ROBO1: variants seen among roughly 807,000 people sequenced by gnomAD.
The protein encoded by ROBO1 is roundabout guidance receptor 1.
In ROBO1, 149 loss-of-function variants were observed where a neutral mutation model predicts 195.9. That is an observed-to-expected ratio of 0.76 (90% CI 0.67 to 0.87). The LOEUF (loss-of-function observed/expected upper bound fraction) is 0.87, where lower values mean the gene tolerates loss of function less well. ROBO1 is among the 40% of genes least tolerant of loss of function. ROBO1 has a pLI of 0.00. For synonymous variants in ROBO1, 816 were observed against 733.2 expected, an observed-to-expected ratio of 1.11 and a Z score of -1.82; for missense variants, 1,933 against 2,068.3, an observed-to-expected ratio of 0.93 and a Z score of 1.27.
intron 3 of ROBO1, among the ~76,000 whole-genome samples, chr3:79,108,822 G>A (rs138041623): frequency 6.6e-6 from 1 of 151,806 alleles, no homozygotes; most frequent in East Asian, 1.9e-4. Context: ...CTTTGTGAAA[G>A]GATTTTGTGC....
chr3:79,655,923 A>G (rs1946144955), intron 1 of ROBO1, among the ~76,000 whole-genome samples: 1 of 152,106 alleles, frequency 6.6e-6, no homozygotes, highest in Non-Finnish European at 1.5e-5. Context: ...GAGTTTTTTT[A>G]TGGAAGAGGG....
chr3:79,422,162 A>G (rs931728078), intron 2 of ROBO1, among the ~76,000 whole-genome samples: 1 of 148,360 alleles, frequency 6.7e-6, no homozygotes, highest in African/African-American at 2.4e-5. Context: ...TATATACAAT[A>G]CATATCTTAT....
chr3:79,597,351 G>A (rs567035934), intron 1 of ROBO1, among the ~76,000 whole-genome samples: 28 of 152,054 alleles, frequency 1.8e-4, no homozygotes, highest in Non-Finnish European at 3.4e-4. Context: ...AAATAGACAA[G>A]GTGAACTGGA....
intron 4 of ROBO1, among the ~76,000 whole-genome samples, chr3:78,911,429 T>C (rs917372308): frequency 6.6e-6 from 1 of 152,076 alleles, no homozygotes; most frequent in African/African-American, 2.4e-5. Flanking sequence ...CAAACATGGA[T>C]TTCATGTACG....
chr3:79,125,334 A>G lies in ROBO1; in HGVS notation c.172+122T>C. The G allele has an allele frequency of 5.2e-6, 4 of 770,808 alleles. 1 individual carries two copies. In the Admixed American group the frequency reaches 8.6e-5, roughly 17 times the overall value. The allele number at this position is 770,808 out of a possible 1,614,324, so 47.7% of individuals were successfully genotyped here. ...TGAACAGAATGAAGTTTGAAAAATG[A>G]GAAATTGTGGTTGTTAGCTGGAAGC... On this transcript the variant is annotated intron_variant, in intron 3 of 30. Coordinates refer to ENST00000464233, the MANE Select transcript of ROBO1 (RefSeq NM_002941.4).
chr3:78,963,499 T>TG (rs2041497621), intron 3 of ROBO1, among the ~76,000 whole-genome samples: 2 of 118,114 alleles, frequency 1.7e-5, no homozygotes, highest in Non-Finnish European at 3.7e-5. Context: ...CTTCAGTTTT[T>TG]TTTTTTTTTT....
intron 1 of ROBO1, among the ~76,000 whole-genome samples, chr3:79,625,940 T>C (rs915263216): frequency 2.0e-5 from 3 of 152,092 alleles, no homozygotes; most frequent in Non-Finnish European, 2.9e-5. Flanking sequence ...CTGATAAACA[T>C]CTATACAAAG....
intron 3 of ROBO1, among the ~76,000 whole-genome samples, chr3:78,946,421 T>G (rs2040447344): frequency 6.6e-6 from 1 of 152,158 alleles, no homozygotes; most frequent in Admixed American, 6.5e-5. Context: ...CCAGCCAAAC[T>G]AAGCTTCATA....
At chr3:78,721,278 C>T (rs191798709) in intron 5 of ROBO1, among the ~76,000 whole-genome samples, 113 of 152,214 alleles carry the variant, frequency 7.4e-4, no homozygotes, top group African/African-American at 2.7e-3. Context: ...ACTTTTGTAA[C>T]CTTTCATGCG....
chr3:78,640,110 C>A (rs1038293271), intron 21 of ROBO1, among the ~76,000 whole-genome samples: 1 of 151,996 alleles, frequency 6.6e-6, no homozygotes, highest in African/African-American at 2.4e-5. Flanking sequence ...TAACTGTACA[C>A]GGGAAGAGTT....
At chr3:79,473,773 G>C (rs775891455) in intron 2 of ROBO1, among the ~76,000 whole-genome samples, 21 of 151,890 alleles carry the variant, frequency 1.4e-4, no homozygotes, top group Admixed American at 4.6e-4. Flanking sequence ...GCAGCCCTAG[G>C]ATACTAATAC....
At position 79,345,022 on chromosome 3, in the gene ROBO1, T is replaced by C. The variant is rs189600035; in HGVS notation, c.89-219483A>G. On this transcript the variant is annotated intron_variant, in intron 2 of 30. Transcript: ENST00000464233. The stretch of plus-strand genomic sequence containing the variant: ...CCAGTCATGCAGAACTGTGAGTCAA[T>C]TAAACCTCTTTCCTTTAGAAACTAC... Among the ~76,000 whole-genome samples, 48 of 152,294 alleles carry C rather than the reference T, an allele frequency of 3.2e-4. 2 individuals carry two copies. In the East Asian group the frequency reaches 9.1e-3, roughly 29 times the overall value.
At chr3:79,265,104 T>A (rs780005102) in intron 2 of ROBO1, among the ~76,000 whole-genome samples, 2 of 151,826 alleles carry the variant, frequency 1.3e-5, no homozygotes, top group Non-Finnish European at 2.9e-5. Flanking sequence ...CAAAATCACA[T>A]TAGGTTAAAA....
At chr3:79,708,319 T>C (rs937713217) in intron 1 of ROBO1, among the ~76,000 whole-genome samples, 2 of 152,216 alleles carry the variant, frequency 1.3e-5, no homozygotes, top group African/African-American at 2.4e-5. Flanking sequence ...AAATTATCTT[T>C]TCACAATATA....
intron 1 of ROBO1, among the ~76,000 whole-genome samples, chr3:79,642,222 ACAGT>A (rs1258722137): frequency 5.9e-5 from 9 of 152,290 alleles, no homozygotes; most frequent in African/African-American, 1.9e-4. Context: ...TTGAAAATAC[ACAGT>A]CAGAGGAGAA....
intron 1 of ROBO1, among the ~76,000 whole-genome samples, chr3:79,616,094 A>G (rs1944811032): frequency 6.6e-6 from 1 of 152,198 alleles, no homozygotes; most frequent in South Asian, 2.1e-4. Flanking sequence ...GTCTACCCTC[A>G]TGAGCCCAGG....
At chr3:79,705,709 T>G (rs1947749560) in intron 1 of ROBO1, among the ~76,000 whole-genome samples, 1 of 152,152 alleles carries the variant, frequency 6.6e-6, no homozygotes, top group African/African-American at 2.4e-5. Context: ...TGAGAATATC[T>G]ACAAAATAAC....
chr3:79,234,828 G>T (rs900294632), intron 2 of ROBO1, among the ~76,000 whole-genome samples: 1 of 152,036 alleles, frequency 6.6e-6, no homozygotes, highest in Non-Finnish European at 1.5e-5. Context: ...TAGATTGTAG[G>T]GGGAGGGAGA....
chr3:79,665,663 AAT>A (rs1315392812), intron 1 of ROBO1, among the ~76,000 whole-genome samples: 1 of 151,986 alleles, frequency 6.6e-6, no homozygotes, highest in Non-Finnish European at 1.5e-5. Context: ...TTTCAATAGA[AAT>A]GTGGCTTAAT....
Sources: gnomAD v4.1 joint callset for allele counts (sites outside exome capture counted in the v4.1 genomes callset) on GRCh38, gnomAD v4.1.1 for gene constraint, MANE v1.5 for transcripts, NCBI Gene and HGNC (gene_info 2026-07-23, HGNC 2026-07-21) for gene names.